SMYD1: variants seen among roughly 807,000 people sequenced by gnomAD.
SMYD1 encodes the protein SET and MYND domain containing 1, also known as histone-lysine N-methyltransferase SMYD1.
A neutral mutation model predicts 54.0 loss-of-function variants in SMYD1; 49 were observed. The observed-to-expected ratio is 0.91, with a 90% CI of 0.72 to 1.15. The LOEUF is 1.15. Ranked by LOEUF, SMYD1 falls within the 50% of genes most tolerant of loss-of-function variation. The pLI is 0.00. For synonymous variants in SMYD1, 269 were observed against 234.2 expected (o/e 1.15, Z -1.36); for missense variants, 653 against 639.6 (o/e 1.02, Z -0.23).
Position 88,091,020 on chromosome 2 carries a change from C to T in SMYD1, c.537C>T (p.Cys179=). Residue 179 remains cysteine (C), a synonymous_variant, in exon 4 of 10, where the codon TGC becomes TGT. Transcript: ENST00000419482. The part of the protein sequence containing the change: ...YISHIFGVIN[C]NGFTLSDQRG... The stretch of plus-strand genomic sequence containing the variant: ...TCTTTTCCCCTGGGTAGATTAACTG[C>T]AACGGTTTTACTCTCAGTGATCAGA... 1.9e-6 allele frequency: 3 copies of T among 1,613,050 alleles called. No individual in the cohort carries two copies. Among genetic ancestry groups the T allele is most frequent in the Admixed American group, 1.7e-5 (1 of 59,874 alleles).
intron 6 of SMYD1, among the ~76,000 whole-genome samples, chr2:88,097,311 A>G (rs967741908): frequency 1.3e-5 from 2 of 152,160 alleles, no homozygotes; most frequent in African/African-American, 4.8e-5. Flanking sequence ...TTGCCAGTTG[A>G]TGGTGAGTCT....
intron 5 of SMYD1, 52 bp from the exon 6 acceptor site, chr2:88,096,543 C>G: frequency 6.7e-7 from 1 of 1,498,982 alleles, no homozygotes; most frequent in Non-Finnish European, 9.1e-7. Flanking sequence ...AGCACGGATC[C>G]CATTCCAGTA....
intron 5 of SMYD1, among the ~76,000 whole-genome samples, chr2:88,093,975 A>G (rs1443560063): frequency 6.6e-6 from 1 of 152,248 alleles, no homozygotes; most frequent in Admixed American, 6.5e-5. Flanking sequence ...AATAGCATCT[A>G]TAACTGATAT....
intron 9 of SMYD1, among the ~76,000 whole-genome samples, chr2:88,108,885 A>T (rs548818400): frequency 2.0e-5 from 3 of 152,280 alleles, no homozygotes; most frequent in Admixed American, 2.0e-4. Context: ...CTGATGAAAG[A>T]GGGAGCAAGA....
chr2:88,076,858 A>G (rs181157114), intron 1 of SMYD1, among the ~76,000 whole-genome samples: 2 of 152,244 alleles, frequency 1.3e-5, no homozygotes, highest in African/African-American at 4.8e-5. Context: ...AAATAAAAAT[A>G]AAAACAAGCC....
chr2:88,089,585 G>GTTTTTTTTT (rs59808789), intron 3 of SMYD1, among the ~76,000 whole-genome samples: 4 of 107,010 alleles, frequency 3.7e-5, no homozygotes, highest in Non-Finnish European at 5.5e-5. Flanking sequence ...GCTTCTACCT[G>GTTTTTTTTT]TTTTTTTTTT....
chr2:88,101,895 C>T (rs952413259), intron 6 of SMYD1, among the ~76,000 whole-genome samples: 2 of 152,196 alleles, frequency 1.3e-5, no homozygotes, highest in African/African-American at 2.4e-5. Context: ...CGTGAGCCAT[C>T]GTGCTGGGCT....
intron 1 of SMYD1, chr2:88,082,957 T>C (rs946435221): frequency 9.2e-5 from 14 of 152,254 alleles, no homozygotes; most frequent in African/African-American, 3.4e-4. Flanking sequence ...TCAGAAACAA[T>C]GAACTCCTTT....
Position 88,110,605 on chromosome 2 carries a change from T to C in SMYD1, c.*93T>C. ...TCTCGGGAGACCCCTAATGAGGAAG[T>C]TGAGGTAATGCTTAACATTGTTGCT... On this transcript the variant is annotated 3_prime_UTR_variant, in exon 10 of 10. Coordinates refer to ENST00000419482, the MANE Select transcript of SMYD1 (RefSeq NM_198274.4). 7.3e-7 allele frequency: 1 copy of C among 1,372,894 alleles called. No individual in the cohort carries two copies. The highest frequency in any genetic ancestry group is 9.6e-7 in the Non-Finnish European group (1 of 1,037,568). 85.0% of individuals were successfully genotyped at this position (1,372,894 alleles called of 1,614,324 possible). A position where few individuals can be genotyped will look rare whatever the true frequency, so the allele number is the denominator to read the frequency against.
At position 88,112,172 on chromosome 2, in the gene SMYD1, C is replaced by G. The variant is rs35181910; in HGVS notation, c.*1660C>G. On this transcript the variant is annotated 3_prime_UTR_variant, in exon 10 of 10. Coordinates refer to ENST00000419482, the MANE Select transcript of SMYD1 (RefSeq NM_198274.4). Reference sequence around the variant, plus strand: ...CTTAGGGACGGCACTAACTTTCTCCCAGGGATCTAACTGGCTAGTTCAAAT... The same window carrying G: ...CTTAGGGACGGCACTAACTTTCTCCGAGGGATCTAACTGGCTAGTTCAAAT... 13,285 of 703,226 alleles carry G rather than the reference C, an allele frequency of 0.019. 170 individuals carry two copies. Among genetic ancestry groups the G allele is most frequent in the Non-Finnish European group, 0.024 (9,398 of 385,032 alleles). 43.6% of individuals were successfully genotyped at this position (703,226 alleles called of 1,614,324 possible).
intron 8 of SMYD1, among the ~76,000 whole-genome samples, chr2:88,107,596 T>C (rs978091754): frequency 6.6e-5 from 10 of 152,168 alleles, no homozygotes; most frequent in African/African-American, 2.2e-4. Context: ...TCCTCCCAGT[T>C]CGAGCTTCCC....
intron 9 of SMYD1, among the ~76,000 whole-genome samples, chr2:88,108,779 A>C (rs1367128429): frequency 6.6e-6 from 1 of 152,206 alleles, no homozygotes; most frequent in Non-Finnish European, 1.5e-5. Context: ...ATGGTTCTGC[A>C]GACTGTATAG....
At chr2:88,084,621 A>T in intron 2 of SMYD1, 129 bp downstream of exon 2, 4 of 827,174 alleles carry the variant, frequency 4.8e-6, no homozygotes, top group Non-Finnish European at 7.4e-6. Flanking sequence ...CAAAGACTGG[A>T]TATGGTCACT....
intron 2 of SMYD1, among the ~76,000 whole-genome samples, chr2:88,085,862 C>T (rs1301950252): frequency 2.6e-5 from 4 of 152,114 alleles, no homozygotes; most frequent in African/African-American, 7.2e-5. Flanking sequence ...CAGGAGAAAT[C>T]GGGAAGATGA....
chr2:88,101,261 CGAAAG>C (rs1674712899), intron 6 of SMYD1, among the ~76,000 whole-genome samples: 1 of 152,190 alleles, frequency 6.6e-6, no homozygotes, highest in African/African-American at 2.4e-5. Context: ...AACCGCAAAT[CGAAAG>C]GAAGCTGTTG....
chr2:88,096,650 T>C lies in SMYD1; in HGVS notation c.754T>C (p.Tyr252His). Residue 252 changes from tyrosine to histidine, a missense_variant, in exon 6 of 10, where the codon TAT (tyrosine) becomes CAT (histidine). Physicochemically the swap from Tyr to His is moderately conservative, Grantham distance 83. Transcript: ENST00000419482. ...AGAAGGAGAGGAGCTGACTGTGTCC[T>C]ATATTGACTTCCTCAACGTTAGTGA... ...ISEGEELTVS[Y>H]IDFLNVSEER... The C allele has an allele frequency of 1.2e-6, 2 of 1,614,156 alleles. No individual in the cohort carries two copies. The highest frequency in any genetic ancestry group is 1.7e-6 in the Non-Finnish European group (2 of 1,180,012).
intron 4 of SMYD1, among the ~76,000 whole-genome samples, chr2:88,092,538 A>G (rs1186165728): frequency 6.6e-6 from 1 of 152,220 alleles, no homozygotes; most frequent in Non-Finnish European, 1.5e-5. Flanking sequence ...AATCGGGCCT[A>G]AGCTTCAATA....
intron 9 of SMYD1, 110 bp from the exon 10 acceptor site, chr2:88,110,244 G>T (rs1179927997): frequency 7.2e-6 from 6 of 835,916 alleles, no homozygotes; most frequent in Non-Finnish European, 8.9e-6. Context: ...TATTCTGAGG[G>T]GGTAGAGTTG....
chr2:88,068,049 C>T, intron 1 of SMYD1, 48 bp downstream of exon 1: 1 of 1,577,114 alleles, frequency 6.3e-7, no homozygotes, highest in Non-Finnish European at 8.6e-7. Context: ...TTGGCTGGGG[C>T]CAAACTCTAA....
Sources: gnomAD v4.1 joint callset for allele counts (sites outside exome capture counted in the v4.1 genomes callset) on GRCh38, gnomAD v4.1.1 for gene constraint, MANE v1.5 for transcripts, NCBI Gene and HGNC (gene_info 2026-07-23, HGNC 2026-07-21) for gene names.